FOXP2: variants seen among roughly 807,000 people sequenced by gnomAD.
FOXP2 encodes forkhead box protein P2.
FOXP2 carries 12 observed loss-of-function variants against 115.8 expected under a neutral mutation model. The ratio of observed to expected loss-of-function variants is 0.10; its 90% CI spans 0.07 to 0.17. The LOEUF is 0.17. Ranked by LOEUF, FOXP2 falls within the 10% of genes least tolerant of loss-of-function variation. The pLI is 1.00. For synonymous variants in FOXP2, 328 were observed against 297.7 expected, an observed-to-expected ratio of 1.10 and a Z score of -1.05; for missense variants, 629 against 843.5, an observed-to-expected ratio of 0.75 and a Z score of 3.15.
chr7:114,550,408 A>G (rs1473369420), intron 3 of FOXP2, among the ~76,000 whole-genome samples: 1 of 151,596 alleles, frequency 6.6e-6, no homozygotes, highest in South Asian at 2.1e-4. Flanking sequence ...GAGCCACCGC[A>G]CCCGGCCTCA....
At chr7:114,132,651 A>C (rs1187686462) in intron 1 of FOXP2, among the ~76,000 whole-genome samples, 1 of 147,948 alleles carries the variant, frequency 6.8e-6, no homozygotes, top group African/African-American at 2.5e-5. Flanking sequence ...TGGAATGGCC[A>C]GGAAGCCCTC....
At chr7:114,373,768 C>G (rs1792072366) in intron 2 of FOXP2, among the ~76,000 whole-genome samples, 1 of 152,180 alleles carries the variant, frequency 6.6e-6, no homozygotes, top group African/African-American at 2.4e-5. Context: ...ACTTTCCATA[C>G]ATTTCTCATT....
chr7:114,663,367 A>G, intron 14 of FOXP2, 83 bp from the exon 15 acceptor site: 1 of 1,030,940 alleles, frequency 9.7e-7, no homozygotes, highest in Non-Finnish European at 1.5e-6. Context: ...GACAAGCCAG[A>G]ACATACCTTT....
chr7:114,353,772 A>G (rs191000060), intron 2 of FOXP2, among the ~76,000 whole-genome samples: 6 of 152,138 alleles, frequency 3.9e-5, no homozygotes, highest in East Asian at 3.9e-4. Context: ...TGTATGTTCA[A>G]TTACGATACT....
At chr7:114,607,495 T>C (rs1803392572) in intron 3 of FOXP2, among the ~76,000 whole-genome samples, 1 of 152,140 alleles carries the variant, frequency 6.6e-6, no homozygotes, top group Non-Finnish European at 1.5e-5. Context: ...TGGTGTAAGT[T>C]TGAAGAGTGA....
chr7:114,538,250 C>A, intron 3 of FOXP2: 1 of 1,065,972 alleles, frequency 9.4e-7, no homozygotes, highest in Non-Finnish European at 1.3e-6. Flanking sequence ...TTTCAATTTT[C>A]TAGCCTATGA....
intron 3 of FOXP2, among the ~76,000 whole-genome samples, chr7:114,562,559 T>C (rs1800804126): frequency 6.6e-6 from 1 of 152,206 alleles, no homozygotes; most frequent in Non-Finnish European, 1.5e-5. Context: ...ATGAGATTTC[T>C]CTCCAAGGCC....
rs1795154809 is a variant in FOXP2, at chr7:114,453,487, TAA to T, written c.168+26811_168+26812del. The stretch of plus-strand genomic sequence containing the variant: ...CCTTCTCTCCAAAAGCAAAATGATA[TAA>T]AACAGTTTATTTGTATATTCCTTCA... On this transcript the variant is annotated intron_variant, in intron 2 of 16. Coordinates refer to ENST00000350908, the MANE Select transcript of FOXP2 (RefSeq NM_014491.4). 2.6e-5 allele frequency among the ~76,000 whole-genome samples: 4 copies of T among 152,182 alleles called. 1 individual carries two copies. In the South Asian group the frequency reaches 8.3e-4, roughly 32 times the overall value.
At chr7:114,219,162 C>T (rs1794557559) in intron 1 of FOXP2, among the ~76,000 whole-genome samples, 2 of 151,930 alleles carry the variant, frequency 1.3e-5, no homozygotes, top group South Asian at 4.2e-4. Context: ...AGATTGTATA[C>T]TAATCAAAAT....
upstream of FOXP2, among the ~76,000 whole-genome samples, chr7:114,159,101 T>A (rs570714604): frequency 6.6e-6 from 1 of 152,274 alleles, no homozygotes; most frequent in East Asian, 1.9e-4. Context: ...GAATACAAAT[T>A]GGGACTAGAA....
intron 3 of FOXP2, among the ~76,000 whole-genome samples, chr7:114,562,414 G>C (rs891778628): frequency 2.0e-5 from 3 of 152,136 alleles, no homozygotes; most frequent in Middle Eastern, 3.2e-3. Context: ...CTGTTTCCCT[G>C]TTGTCAGTGA....
intron 2 of FOXP2, among the ~76,000 whole-genome samples, chr7:114,368,778 C>T (rs1206055448): frequency 6.6e-6 from 1 of 152,176 alleles, no homozygotes. Flanking sequence ...ACTCTTGTGA[C>T]ATAGTTGCTG....
intron 1 of FOXP2, among the ~76,000 whole-genome samples, chr7:114,239,936 T>G (rs756953999): frequency 6.6e-6 from 1 of 152,176 alleles, no homozygotes; most frequent in Non-Finnish European, 1.5e-5. Flanking sequence ...ACGCCTGATT[T>G]GGAAAACGAT....
At chr7:114,516,538 G>T (rs1798352880) in intron 2 of FOXP2, among the ~76,000 whole-genome samples, 1 of 151,988 alleles carries the variant, frequency 6.6e-6, no homozygotes, top group Non-Finnish European at 1.5e-5. Flanking sequence ...TAGTGGGATT[G>T]CTGCATCATA....
chr7:114,209,505 T>A (rs1009180722), intron 1 of FOXP2, among the ~76,000 whole-genome samples: 6 of 152,222 alleles, frequency 3.9e-5, no homozygotes, highest in African/African-American at 1.4e-4. Context: ...AGGGTTTCTA[T>A]TGAAAGGTCC....
intron 2 of FOXP2, among the ~76,000 whole-genome samples, chr7:114,388,050 GC>G (rs1235562323): frequency 6.6e-6 from 1 of 152,178 alleles, no homozygotes; most frequent in Non-Finnish European, 1.5e-5. Flanking sequence ...AGAGAAAGGT[GC>G]AAGATTAATG....
intron 2 of FOXP2, among the ~76,000 whole-genome samples, chr7:114,532,450 G>C (rs1018031916): frequency 3.3e-5 from 5 of 151,816 alleles, no homozygotes; most frequent in Admixed American, 1.3e-4. Context: ...TGATTCCTTT[G>C]ACAGAACAGA....
intron 1 of FOXP2, among the ~76,000 whole-genome samples, chr7:114,093,568 G>C (rs1397788464): frequency 6.6e-6 from 1 of 152,034 alleles, no homozygotes; most frequent in Admixed American, 6.5e-5. Context: ...ATGTTTCATA[G>C]GAGGCCAAAG....
At chr7:114,387,945 C>T (rs558958830) in intron 2 of FOXP2, among the ~76,000 whole-genome samples, 2 of 152,220 alleles carry the variant, frequency 1.3e-5, no homozygotes, top group East Asian at 3.9e-4. Flanking sequence ...CTTCCTCGCA[C>T]CATTCATTTT....
Sources: gnomAD v4.1 joint callset for allele counts (sites outside exome capture counted in the v4.1 genomes callset) on GRCh38, gnomAD v4.1.1 for gene constraint, MANE v1.5 for transcripts, NCBI Gene and HGNC (gene_info 2026-07-23, HGNC 2026-07-21) for gene names.